The following LANCL1 variants were observed in gnomAD, a reference collection of about 807,000 sequenced individuals.
LANCL1 encodes the protein glutathione S-transferase LANCL1.
Under a neutral mutation model 50.6 loss-of-function variants are expected in LANCL1, and 50 were observed. That is an observed-to-expected ratio of 0.99 (90% CI 0.79 to 1.25). The LOEUF (loss-of-function observed/expected upper bound fraction) is 1.25. Among genes scored for constraint, LANCL1 ranks in the 50% most tolerant of loss-of-function variants. LANCL1 has a pLI of 0.00. For missense variants in LANCL1, 532 were observed against 480.7 expected (o/e 1.11, Z -1.00); for synonymous variants, 188 against 178.6 (o/e 1.05, Z -0.42).
Position 210,433,836 on chromosome 2 carries a change from G to A in LANCL1, c.*651C>T, listed in dbSNP as rs543006177. The A allele has an allele frequency of 6.6e-6, 1 of 152,060 alleles. No individual in the cohort carries two copies. Among genetic ancestry groups the A allele is most frequent in the Non-Finnish European group, 1.5e-5 (1 of 68,004 alleles). The allele number at this position is 152,060 out of a possible 1,614,324, so 9.4% of individuals were successfully genotyped here. On this transcript the variant is annotated 3_prime_UTR_variant, in exon 10 of 10. Transcript: ENST00000450366. Reference sequence around the variant, plus strand: ...TTATAAGTTTTTGATTAAAAATGTTGGCTTCTGAAGGCTGTATGCCTTACC... The same window carrying A: ...TTATAAGTTTTTGATTAAAAATGTTAGCTTCTGAAGGCTGTATGCCTTACC...
At position 210,436,279 on chromosome 2, in the gene LANCL1, G is replaced by A; in HGVS notation, c.987C>T (p.Ala329=). ...YGLCHGSAGN[A]YAFLTLYNLT... is the part of the protein sequence containing the mutation. ...GGTTGTAGAGTGTCAGGAAGGCATA[G>A]GCATTCCCTGCAGAACCGTGGCACA... Residue 329 remains alanine, a synonymous_variant, in exon 8 of 10, where the codon GCC becomes GCT. Transcript: ENST00000450366. 6.2e-7 allele frequency: 1 copy of A among 1,613,964 alleles called. No individual in the cohort carries two copies. Among genetic ancestry groups the A allele is most frequent in the African/African-American group, 1.3e-5 (1 of 74,988 alleles).
chr2:210,434,307 C>T lies in LANCL1; in HGVS notation c.*180G>A, dbSNP rs976557691. ...AGTTAAAAGACTTCCTTGGATACTTCTAAGTAAAAGTAAATGATAATGGAA... is the reference window on the plus strand; with the variant it reads ...AGTTAAAAGACTTCCTTGGATACTTTTAAGTAAAAGTAAATGATAATGGAA... On this transcript the variant is annotated 3_prime_UTR_variant, in exon 10 of 10. Coordinates refer to ENST00000450366, the MANE Select transcript of LANCL1 (RefSeq NM_006055.3). The T allele has an allele frequency of 2.5e-5, 14 of 549,516 alleles. 1 individual carries two copies. The East Asian group carries it at 3.9e-4, about 15-fold the overall frequency. 34.0% of individuals were successfully genotyped at this position (549,516 alleles called of 1,614,324 possible). A position where few individuals can be genotyped will look rare whatever the true frequency, so the allele number is the denominator to read the frequency against.
intron 3 of LANCL1, 60 bp downstream of exon 3, chr2:210,471,899 G>GA: frequency 1.7e-6 from 2 of 1,206,472 alleles, no homozygotes; most frequent in Non-Finnish European, 2.5e-6. Flanking sequence ...ACAGCTCTCG[G>GA]AAAAATGCTC....
intron 3 of LANCL1, 123 bp downstream of exon 3, chr2:210,471,836 C>CA (rs1300940385): frequency 2.1e-5 from 16 of 776,758 alleles, no homozygotes; most frequent in Admixed American, 3.6e-5. Context: ...CTCCCAGAAG[C>CA]AATTACTCAT....
At chr2:210,445,204 A>C (rs1205789679) in intron 4 of LANCL1, among the ~76,000 whole-genome samples, 1 of 152,198 alleles carries the variant, frequency 6.6e-6, no homozygotes, top group Non-Finnish European at 1.5e-5. Context: ...TGGAAGTATT[A>C]CACCGAATTA....
intron 4 of LANCL1, among the ~76,000 whole-genome samples, chr2:210,448,511 C>A (rs1693416822): frequency 6.6e-6 from 1 of 151,960 alleles, no homozygotes; most frequent in Non-Finnish European, 1.5e-5. Flanking sequence ...GAGAGCAGAA[C>A]TGAAGGAGAT....
chr2:210,458,080 T>C (rs1693722749), intron 3 of LANCL1, among the ~76,000 whole-genome samples: 1 of 152,172 alleles, frequency 6.6e-6, no homozygotes, highest in Non-Finnish European at 1.5e-5. Flanking sequence ...ACAGATGTGA[T>C]GGTGCAGCTA....
chr2:210,474,035 T>C (rs1694291192), intron 2 of LANCL1, among the ~76,000 whole-genome samples: 2 of 152,230 alleles, frequency 1.3e-5, no homozygotes, highest in South Asian at 4.1e-4. Context: ...TGAGAATCTC[T>C]CAGCCTTATG....
At chr2:210,464,133 G>A (rs1693963500) in intron 3 of LANCL1, among the ~76,000 whole-genome samples, 1 of 152,144 alleles carries the variant, frequency 6.6e-6, no homozygotes, top group Admixed American at 6.5e-5. Context: ...TACCAACAAA[G>A]CATTGTGTAT....
intron 3 of LANCL1, chr2:210,460,605 A>G (rs567470517): frequency 6.6e-6 from 1 of 152,308 alleles, no homozygotes; most frequent in South Asian, 2.1e-4. Flanking sequence ...AATGTTGACC[A>G]TGTGCATTTC....
At chr2:210,450,148 A>G (rs1367823385) in intron 4 of LANCL1, among the ~76,000 whole-genome samples, 4 of 152,204 alleles carry the variant, frequency 2.6e-5, no homozygotes, top group African/African-American at 9.6e-5. Context: ...AAACAGATAT[A>G]TAGACCAATA....
At position 210,434,447 on chromosome 2, in the gene LANCL1, A is replaced by G. The variant is rs759296980; in HGVS notation, c.*40T>C. 1 of 1,522,364 alleles carries G rather than the reference A, an allele frequency of 6.6e-7. No individual in the cohort carries two copies. Among genetic ancestry groups the G allele is most frequent in the East Asian group, 2.3e-5 (1 of 44,118 alleles). 94.3% of individuals were successfully genotyped at this position (1,522,364 alleles called of 1,614,324 possible). A position where few individuals can be genotyped will look rare whatever the true frequency, so the allele number is the denominator to read the frequency against. On this transcript the variant is annotated 3_prime_UTR_variant, in exon 10 of 10. Transcript: ENST00000450366. ...ACTTAGCTTGGGTTTGAATATACAG[A>G]AAGGGTCATGCAGTGAGTTGCAGGT... is the stretch of plus-strand genomic sequence containing the variant.
At position 210,445,985 on chromosome 2, in the gene LANCL1, A is replaced by G. The variant is rs536977758; in HGVS notation, c.408-4542T>C. On this transcript the variant is annotated intron_variant, in intron 4 of 9. Transcript: ENST00000450366. ...TCAGGGAATTACAGATAAAACCCCT[A>G]TCTCCCTAGGACAGAGCACCTGGGG... is the stretch of plus-strand genomic sequence containing the variant. Among the ~76,000 whole-genome samples the G allele has an allele frequency of 2.6e-5, 4 of 152,344 alleles. No individual in the cohort carries two copies. In the East Asian group the frequency reaches 5.8e-4, roughly 22 times the overall value.
At chr2:210,459,284 A>C (rs1693767973) in intron 3 of LANCL1, among the ~76,000 whole-genome samples, 1 of 152,056 alleles carries the variant, frequency 6.6e-6, no homozygotes, top group Admixed American at 6.6e-5. Flanking sequence ...ACTATATACA[A>C]AAGTCAACTC....
chr2:210,446,798 G>C (rs1446902038), intron 4 of LANCL1, among the ~76,000 whole-genome samples: 1 of 151,916 alleles, frequency 6.6e-6, no homozygotes, highest in African/African-American at 2.4e-5. Flanking sequence ...ATGAAGACAA[G>C]GTTAGAGAAA....
chr2:210,471,596 T>C (rs1300956507), intron 3 of LANCL1: 2 of 471,502 alleles, frequency 4.2e-6, no homozygotes, highest in Non-Finnish European at 8.4e-6. Flanking sequence ...TCAATCCTCA[T>C]TACCTCCGCT....
chr2:210,435,696 C>A (rs1692904234), intron 8 of LANCL1, among the ~76,000 whole-genome samples: 2 of 152,024 alleles, frequency 1.3e-5, no homozygotes, highest in Admixed American at 6.6e-5. Context: ...ACAAAATCAC[C>A]CTACATCTTT....
intron 3 of LANCL1, among the ~76,000 whole-genome samples, chr2:210,467,017 G>A (rs752216729): frequency 2.6e-5 from 4 of 152,092 alleles, no homozygotes; most frequent in African/African-American, 7.2e-5. Flanking sequence ...GCTAATAGAC[G>A]CCACACCAGA....
chr2:210,461,155 ACT>A (rs1348871359), intron 3 of LANCL1, among the ~76,000 whole-genome samples: 4 of 149,384 alleles, frequency 2.7e-5, no homozygotes. Context: ...TCTGTTTCAC[ACT>A]CTCATCCTAC....
Sources: gnomAD v4.1 joint callset for allele counts (sites outside exome capture counted in the v4.1 genomes callset) on GRCh38, gnomAD v4.1.1 for gene constraint, MANE v1.5 for transcripts, NCBI Gene and HGNC (gene_info 2026-07-23, HGNC 2026-07-21) for gene names.